Variants in DMXL1 observed in about 807,000 individuals in gnomAD.
DMXL1 encodes the protein Dmx like 1.
Under a neutral mutation model 319.2 loss-of-function variants are expected in DMXL1, and 99 were observed. The observed-to-expected ratio is 0.31, with a 90% CI of 0.26 to 0.37. The LOEUF (loss-of-function observed/expected upper bound fraction) is 0.37. DMXL1 is among the 10% of genes least tolerant of loss of function. The pLI is 1.00. For synonymous variants in DMXL1, 1,385 were observed against 1,235.2 expected (o/e 1.12, Z -2.54); for missense variants, 3,745 against 3,595.6 (o/e 1.04, Z -1.06).
At chr5:119,172,909 A>T (rs1298153387) in intron 25 of DMXL1, among the ~76,000 whole-genome samples, 1 of 152,116 alleles carries the variant, frequency 6.6e-6, no homozygotes, top group Non-Finnish European at 1.5e-5. Context: ...GCTCTGTAGT[A>T]TAAATGCCCA....
intron 32 of DMXL1, among the ~76,000 whole-genome samples, chr5:119,202,877 ATATATTTT>A (rs1327911593): frequency 9.2e-6 from 1 of 108,114 alleles, no homozygotes; most frequent in Non-Finnish European, 2.0e-5. Context: ...ATATATATAT[ATATATTTT>A]TATATATATA....
intron 28 of DMXL1, among the ~76,000 whole-genome samples, chr5:119,181,911 C>T (rs1015334698): frequency 3.9e-5 from 6 of 152,118 alleles, no homozygotes; most frequent in African/African-American, 1.4e-4. Flanking sequence ...CCACTGAAAA[C>T]TAGAGAGAGA....
chr5:119,197,632 A>T, intron 31 of DMXL1, 123 bp from the exon 32 acceptor site: 6 of 803,124 alleles, frequency 7.5e-6, no homozygotes, highest in Non-Finnish European at 1.2e-5. Flanking sequence ...GTATGTTAAT[A>T]TTTCATCTCA....
intron 4 of DMXL1, among the ~76,000 whole-genome samples, chr5:119,108,740 G>A (rs577672063): frequency 6.6e-6 from 1 of 151,398 alleles, no homozygotes; most frequent in South Asian, 2.1e-4. Flanking sequence ...TTTTTGAAAT[G>A]GCTTTCAAAT....
At chr5:119,190,180 A>G (rs140837639) in intron 29 of DMXL1, among the ~76,000 whole-genome samples, 85 of 152,330 alleles carry the variant, frequency 5.6e-4, no homozygotes, top group Non-Finnish European at 8.8e-4. Flanking sequence ...TCTTCATGTT[A>G]ATGTACTTGA....
intron 38 of DMXL1, among the ~76,000 whole-genome samples, chr5:119,227,180 A>G (rs1785740242): frequency 6.6e-6 from 1 of 152,194 alleles, no homozygotes. Flanking sequence ...GACAAAGACC[A>G]AATATGTATT....
intron 6 of DMXL1, among the ~76,000 whole-genome samples, chr5:119,115,130 C>G (rs1337190434): frequency 6.6e-6 from 1 of 152,140 alleles, no homozygotes; most frequent in Non-Finnish European, 1.5e-5. Flanking sequence ...CCTTTCTTTT[C>G]TCATGTGTAA....
chr5:119,150,477 T>C (rs1769525574), intron 18 of DMXL1, 56 bp downstream of exon 18: 1 of 1,503,622 alleles, frequency 6.7e-7, no homozygotes, highest in Admixed American at 2.2e-5. Context: ...GAAAATAATT[T>C]TAAATAATTT....
chr5:119,082,508 C>T (rs1752472052), intron 1 of DMXL1, among the ~76,000 whole-genome samples: 1 of 152,106 alleles, frequency 6.6e-6, no homozygotes, highest in African/African-American at 2.4e-5. Context: ...CTCCTGGGCT[C>T]AAGCAATCCT....
intron 43 of DMXL1, among the ~76,000 whole-genome samples, chr5:119,246,779 A>G (rs1789880428): frequency 6.6e-6 from 1 of 151,694 alleles, no homozygotes; most frequent in South Asian, 2.1e-4. Context: ...GATTACAGGC[A>G]TGTGCCACCT....
chr5:119,187,881 C>A (rs1388177000), intron 28 of DMXL1, among the ~76,000 whole-genome samples: 2 of 152,166 alleles, frequency 1.3e-5, no homozygotes, highest in Non-Finnish European at 2.9e-5. Context: ...CAGGCTGGAT[C>A]CTGACCTCAG....
At chr5:119,139,575 A>T (rs910083152) in intron 13 of DMXL1, among the ~76,000 whole-genome samples, 1 of 152,236 alleles carries the variant, frequency 6.6e-6, no homozygotes, top group Non-Finnish European at 1.5e-5. Context: ...AGAAGACCTA[A>T]CTATGGTAAA....
Position 119,150,303 on chromosome 5 carries a change from C to T in DMXL1, c.4476C>T (p.His1492=), listed in dbSNP as rs1769483058. 4.3e-6 allele frequency: 7 copies of T among 1,613,820 alleles called. No homozygotes were observed. The highest frequency in any genetic ancestry group is 5.1e-6 in the Non-Finnish European group (6 of 1,179,834). The part of the protein sequence containing the change: ...GPEHAQVLSG[H]LLHSSLPGLS... ...AGCATGCTCAGGTTCTTTCTGGCCACTTACTTCATTCTAGTTTACCAGGAC... is the reference window on the plus strand; with the variant it reads ...AGCATGCTCAGGTTCTTTCTGGCCATTTACTTCATTCTAGTTTACCAGGAC... Residue 1492 remains histidine (H), a synonymous_variant, in exon 18 of 44, where the codon CAC becomes CAT. Transcript: ENST00000539542.
chr5:119,093,324 C>G (rs1474513009), intron 1 of DMXL1, among the ~76,000 whole-genome samples: 3 of 152,110 alleles, frequency 2.0e-5, no homozygotes, highest in African/African-American at 7.2e-5. Flanking sequence ...TTAGTAGAGA[C>G]TGGATTTCAC....
chr5:119,183,147 A>G (rs1006004496), intron 28 of DMXL1, among the ~76,000 whole-genome samples: 1 of 152,168 alleles, frequency 6.6e-6, no homozygotes, highest in African/African-American at 2.4e-5. Context: ...GATATTCTAG[A>G]CATAAAGTTT....
intron 28 of DMXL1, among the ~76,000 whole-genome samples, chr5:119,184,355 T>C (rs1777313465): frequency 6.6e-6 from 1 of 152,178 alleles, no homozygotes; most frequent in African/African-American, 2.4e-5. Flanking sequence ...TGAGCCACCA[T>C]GTCCTGCTTA....
rs1183536119 is a variant in DMXL1, at chr5:119,151,970, G to T, written c.4636G>T (p.Ala1546Ser). ...TGAATGTGGGTTAAAATTTCTTTTGGCTGTTCGACTCCATACCTTTCTTAC... is the reference window on the plus strand; with the variant it reads ...TGAATGTGGGTTAAAATTTCTTTTGTCTGTTCGACTCCATACCTTTCTTAC... ...LDECGLKFLL[A>S]VRLHTFLTTS... is the part of the protein sequence containing the mutation. The change falls in exon 19 of 44, where the codon GCT becomes TCT. Residue 1546 changes from alanine to serine, a missense_variant. Coordinates refer to ENST00000539542, the MANE Select transcript of DMXL1 (RefSeq NM_001290321.3). The T allele has an allele frequency of 4.3e-6, 7 of 1,612,772 alleles. No homozygotes were observed. The highest frequency in any genetic ancestry group is 5.1e-6 in the Non-Finnish European group (6 of 1,179,352).
chr5:119,105,216 T>C lies in DMXL1; in HGVS notation c.322T>C (p.Phe108Leu). The C allele has an allele frequency of 6.2e-7, 1 of 1,613,404 alleles. No homozygotes were observed. Among genetic ancestry groups the C allele is most frequent in the East Asian group, 2.2e-5 (1 of 44,776 alleles). The change falls in exon 4 of 44, where the codon TTT (phenylalanine) becomes CTT (leucine). Residue 108 changes from phenylalanine (F) to leucine (L), a missense_variant. This residue lies in a region of DMXL1 where 2,096 missense variants were observed against 1,985.4 expected (regional missense o/e 1.06). Transcript: ENST00000539542. ...TCAGTGGCAGAAAAGTGGCCAATTT[T>C]TTCTGGAATCAATAGCACACAATAT... ...YSQWQKSGQF[F>L]LESIAHNITW...
At chr5:119,154,031 C>T (rs1458723716) in intron 19 of DMXL1, among the ~76,000 whole-genome samples, 1 of 152,150 alleles carries the variant, frequency 6.6e-6, no homozygotes, top group Non-Finnish European at 1.5e-5. Context: ...CCATGAACTG[C>T]GCCTATGTAG....
Sources: gnomAD v4.1 joint callset for allele counts (sites outside exome capture counted in the v4.1 genomes callset) on GRCh38, gnomAD v4.1.1 for gene constraint, gnomAD v4.1.1 regional missense constraint, MANE v1.5 for transcripts, NCBI Gene and HGNC (gene_info 2026-07-23, HGNC 2026-07-21) for gene names.